Variants in BACC1 observed in about 807,000 individuals in gnomAD.
BACC1 encodes the protein BPTF associated chromatin complex component 1, also known as BPTF-associated chromatin complex component 1.
the BACC1 span, chr17:7,015,035 C>T: frequency 1.4e-6 from 2 of 1,464,204 alleles, no homozygotes; most frequent in Admixed American, 5.6e-5. Context: ...CGGGCGCCGG[C>T]CCCCCGTGAC....
chr17:7,014,796 C>A, the BACC1 span: 1 of 1,520,174 alleles, frequency 6.6e-7, no homozygotes, highest in East Asian at 2.7e-5. The surrounding 1 kb of genome is among the most constrained non-coding windows in gnomAD (Gnocchi z 4.5). Flanking sequence ...TCCCTGCTCT[C>A]CGTGGTCCCG....
chr17:7,016,384 C>T, the BACC1 span: 2 of 1,252,844 alleles, frequency 1.6e-6, no homozygotes, highest in Non-Finnish European at 1.1e-6. Flanking sequence ...TGGGTTGGGG[C>T]CCCGACCTGG....
the BACC1 span, chr17:7,015,458 T>G: frequency 7.3e-7 from 1 of 1,372,670 alleles, no homozygotes; most frequent in Non-Finnish European, 9.4e-7. Context: ...CAGGCTGTGT[T>G]GGTGGGTCTG....
the BACC1 span, chr17:7,016,067 A>T: frequency 5.9e-5 from 34 of 580,966 alleles, no homozygotes; most frequent in Admixed American, 1.0e-3. Flanking sequence ...ATGCTGTGGT[A>T]ATCCTTCCAA....
At chr17:7,016,936 TCC>T in the BACC1 span, 1 of 1,613,980 alleles carries the variant, frequency 6.2e-7, no homozygotes, top group Non-Finnish European at 8.5e-7. Flanking sequence ...TCTGAACGAC[TCC>T]GATGCCAACA....
chr17:7,016,610 C>A, the BACC1 span: 1 of 1,614,162 alleles, frequency 6.2e-7, no homozygotes, highest in Non-Finnish European at 8.5e-7. Context: ...CTTGTCACCT[C>A]CTCCAGCTGC....
the BACC1 span, chr17:7,014,985 C>T: frequency 7.0e-7 from 1 of 1,429,472 alleles, no homozygotes; most frequent in Admixed American, 2.9e-5. This position sits in a 1 kb window ranked among gnomAD's most constrained non-coding sequence, Gnocchi z 4.5. Context: ...GGGAGCCGAG[C>T]CTGGGGTGGG....
At chr17:7,015,567 G>A in the BACC1 span, 69 of 1,417,296 alleles carry the variant, frequency 4.9e-5, no homozygotes, top group Admixed American at 1.3e-3. Flanking sequence ...GGAGGTGGTT[G>A]TGATTTCTTG....
At chr17:7,017,130 AGG>A in the BACC1 span, 1 of 1,532,430 alleles carries the variant, frequency 6.5e-7, no homozygotes, top group African/African-American at 1.4e-5. Flanking sequence ...TCAGAAGAGA[AGG>A]TGCTCTCATA....
chr17:7,015,125 C>CT, the BACC1 span: 1 of 1,587,002 alleles, frequency 6.3e-7, no homozygotes, highest in African/African-American at 1.4e-5. Flanking sequence ...GACGATGCAG[C>CT]TGCATCCCGT....
the BACC1 span, chr17:7,015,191 A>G: frequency 3.4e-5 from 52 of 1,536,758 alleles, no homozygotes; most frequent in Middle Eastern, 1.9e-4. Flanking sequence ...GGACGCTGAG[A>G]GCGGGCGCTT....
the BACC1 span, chr17:7,017,064 C>A: frequency 1.3e-6 from 2 of 1,568,480 alleles, no homozygotes; most frequent in Non-Finnish European, 1.8e-6. Flanking sequence ...GGAGAAAGGG[C>A]TCACCTGGAT....
chr17:7,016,999 C>T, the BACC1 span: 2 of 1,613,436 alleles, frequency 1.2e-6, no homozygotes, highest in Admixed American at 1.7e-5. Flanking sequence ...AGCTAAGAAA[C>T]TCAACTTCGA....
chr17:7,015,413 A>G, the BACC1 span: 9 of 1,364,648 alleles, frequency 6.6e-6, no homozygotes, highest in Admixed American at 3.6e-5. Flanking sequence ...GCCACTCCCA[A>G]CCACCCCAGT....
chr17:7,014,837 C>T, the BACC1 span: 2 of 1,529,510 alleles, frequency 1.3e-6, no homozygotes, highest in Middle Eastern at 1.7e-4. The surrounding 1 kb of genome is among the most constrained non-coding windows in gnomAD (Gnocchi z 4.5). Context: ...GCGGCGTCTC[C>T]GTGAGGAGGC....
At chr17:7,015,358 GT>G in the BACC1 span, 4 of 1,370,020 alleles carry the variant, frequency 2.9e-6, no homozygotes, top group Non-Finnish European at 3.7e-6. Context: ...CCAGACTCCT[GT>G]TTCACAGTTC....
the BACC1 span, chr17:7,015,020 G>T: frequency 7.0e-7 from 1 of 1,436,076 alleles, no homozygotes; most frequent in South Asian, 1.4e-5. Flanking sequence ...GCGGGACGGG[G>T]AGGGCGGGCG....
At chr17:7,017,415 CT>C in the BACC1 span, 1 of 1,208,814 alleles carries the variant, frequency 8.3e-7, no homozygotes. Context: ...TGAAAGGCTG[CT>C]GGGGCTGCCA....
chr17:7,016,661 C>T, the BACC1 span: 6 of 1,612,004 alleles, frequency 3.7e-6, no homozygotes, highest in East Asian at 1.1e-4. Flanking sequence ...GGCCGGGGGT[C>T]CCCCCATAAA....
Sources: allele counts gnomAD v4.1 joint callset, GRCh38; gene constraint gnomAD v4.1.1; non-coding constraint Gnocchi (gnomAD v3.1); transcripts MANE v1.5; gene names NCBI Gene and HGNC (gene_info 2026-07-23, HGNC 2026-07-21).